Variants in SMYD3 observed in about 807,000 individuals in gnomAD.
SMYD3 encodes histone-lysine N-methyltransferase SMYD3.
Under a neutral mutation model 57.7 loss-of-function variants are expected in SMYD3, and 36 were observed. The ratio of observed to expected loss-of-function variants is 0.62; its 90% CI spans 0.48 to 0.82. The LOEUF (loss-of-function observed/expected upper bound fraction) is 0.82. SMYD3 is among the 40% of genes least tolerant of loss of function. The pLI is 0.00. For missense variants in SMYD3, 515 were observed against 538.8 expected, an observed-to-expected ratio of 0.96 and a Z score of 0.44; for synonymous variants, 211 against 195.0, an observed-to-expected ratio of 1.08 and a Z score of -0.68.
intron 5 of SMYD3, among the ~76,000 whole-genome samples, chr1:246,087,548 A>T (rs557304999): frequency 6.6e-6 from 1 of 152,350 alleles, no homozygotes; most frequent in Non-Finnish European, 1.5e-5. Flanking sequence ...AAAAAGCTAC[A>T]AGGAAAAACA....
At chr1:246,466,138 C>T (rs1024837604) in intron 1 of SMYD3, among the ~76,000 whole-genome samples, 10 of 152,304 alleles carry the variant, frequency 6.6e-5, no homozygotes, top group Admixed American at 2.6e-4. Flanking sequence ...GGTGATTCCT[C>T]AAAGACCTAA....
At chr1:246,453,251 G>A (rs576222133) in intron 1 of SMYD3, among the ~76,000 whole-genome samples, 15 of 152,258 alleles carry the variant, frequency 9.9e-5, no homozygotes, top group African/African-American at 1.4e-4. Flanking sequence ...TTCCAGAGCC[G>A]GTGCTTCTCA....
intron 1 of SMYD3, among the ~76,000 whole-genome samples, chr1:246,421,386 C>T (rs1183457122): frequency 6.6e-6 from 1 of 151,658 alleles, no homozygotes; most frequent in African/African-American, 2.4e-5. Flanking sequence ...GATCTCAAGA[C>T]CCCCACTGTA....
At chr1:245,797,330 T>C (rs887134253) in intron 10 of SMYD3, among the ~76,000 whole-genome samples, 27 of 152,236 alleles carry the variant, frequency 1.8e-4, no homozygotes, top group African/African-American at 6.5e-4. Context: ...ATATACACCA[T>C]GGAATACTAT....
At chr1:246,343,318 G>A (rs10754510) in intron 2 of SMYD3, among the ~76,000 whole-genome samples, 98,787 of 152,090 alleles carry the variant, frequency 0.65, 32,804 homozygotes, top group Middle Eastern at 0.76. Flanking sequence ...AATACGGTAG[G>A]TGAGCACATG....
At chr1:246,150,974 G>A (rs1371712403) in intron 5 of SMYD3, among the ~76,000 whole-genome samples, 5 of 152,172 alleles carry the variant, frequency 3.3e-5, no homozygotes, top group Admixed American at 6.5e-5. Context: ...TTGGCTGGGC[G>A]CAGTGGCTCA....
intron 1 of SMYD3, among the ~76,000 whole-genome samples, chr1:246,495,823 G>A (rs974106611): frequency 6.6e-5 from 10 of 151,732 alleles, no homozygotes; most frequent in East Asian, 2.0e-4. Flanking sequence ...GTGGTGGCAC[G>A]CATCTGTGGT....
intron 5 of SMYD3, among the ~76,000 whole-genome samples, chr1:246,133,775 G>A (rs554630544): frequency 6.6e-6 from 1 of 152,184 alleles, no homozygotes; most frequent in East Asian, 1.9e-4. Flanking sequence ...CACGCTCAAT[G>A]AACTCAACTA....
intron 1 of SMYD3, among the ~76,000 whole-genome samples, chr1:246,456,512 C>A (rs1479775106): frequency 6.6e-6 from 1 of 152,208 alleles, no homozygotes; most frequent in African/African-American, 2.4e-5. Flanking sequence ...TACTCATCCA[C>A]CAACACCAAG....
At chr1:246,451,034 A>G (rs2067625777) in intron 1 of SMYD3, among the ~76,000 whole-genome samples, 2 of 152,214 alleles carry the variant, frequency 1.3e-5, no homozygotes, top group Admixed American at 1.3e-4. Context: ...ACAAACTAAC[A>G]TACTTCAACC....
intron 5 of SMYD3, among the ~76,000 whole-genome samples, chr1:246,006,303 G>T (rs907800527): frequency 2.0e-5 from 3 of 151,966 alleles, no homozygotes; most frequent in Admixed American, 1.3e-4. Context: ...GGATGTTGGA[G>T]GGGCTGGGGT....
intron 5 of SMYD3, among the ~76,000 whole-genome samples, chr1:246,025,632 T>C (rs1175871756): frequency 4.6e-5 from 7 of 152,172 alleles, no homozygotes; most frequent in Admixed American, 4.6e-4. Context: ...TTTCCAGGAC[T>C]TGGTGTCTTT....
intron 1 of SMYD3, among the ~76,000 whole-genome samples, chr1:246,370,593 G>C (rs1353870437): frequency 6.6e-6 from 1 of 152,162 alleles, no homozygotes; most frequent in Non-Finnish European, 1.5e-5. Flanking sequence ...AATCTATATG[G>C]AGCGCCTGCT....
rs76900702 is a variant in SMYD3 at position 246,208,978 on chromosome 1, G to A, written c.531+118223C>T. Among the ~76,000 whole-genome samples, 424 of 152,112 alleles carry A rather than the reference G, an allele frequency of 2.8e-3. 2 individuals are homozygous for A. The highest frequency in any genetic ancestry group is 9.3e-3 in the African/African-American group (387 of 41,446). ...TTAGATTCAGAAAATATATTATTTC[G>A]CTGTTGAGTATAGTCTGAAATGAGG... On this transcript the variant is annotated intron_variant, in intron 5 of 11. Transcript: ENST00000490107.
chr1:246,116,525 G>C (rs2061344610), intron 5 of SMYD3, among the ~76,000 whole-genome samples: 1 of 152,166 alleles, frequency 6.6e-6, no homozygotes, highest in South Asian at 2.1e-4. Context: ...AGTGAAAAGA[G>C]GCACTAGTTT....
At chr1:245,906,676 A>C (rs1419163251) in intron 8 of SMYD3, among the ~76,000 whole-genome samples, 2 of 152,212 alleles carry the variant, frequency 1.3e-5, no homozygotes, top group African/African-American at 2.4e-5. Context: ...AGCTTATCGA[A>C]GAGGTATCTG....
chr1:246,055,438 TAAAAG>T (rs2060135725), intron 5 of SMYD3, among the ~76,000 whole-genome samples: 1 of 151,944 alleles, frequency 6.6e-6, no homozygotes, highest in Admixed American at 6.6e-5. Context: ...TCTTTAAAAA[TAAAAG>T]AAGACAAGAA....
intron 8 of SMYD3, among the ~76,000 whole-genome samples, chr1:245,901,576 G>A (rs1415541405): frequency 6.6e-6 from 1 of 152,146 alleles, no homozygotes; most frequent in African/African-American, 2.4e-5. Context: ...AAAGCCTTAT[G>A]GAGCAAATGT....
At chr1:245,802,454 T>C (rs1167873305) in intron 10 of SMYD3, among the ~76,000 whole-genome samples, 2 of 152,250 alleles carry the variant, frequency 1.3e-5, no homozygotes, top group Non-Finnish European at 2.9e-5. Context: ...TCACAACTAA[T>C]TTCATTTTAT....
Sources: allele counts gnomAD v4.1 joint callset (sites outside exome capture counted in the v4.1 genomes callset), GRCh38; gene constraint gnomAD v4.1.1; transcripts MANE v1.5; gene names NCBI Gene and HGNC (gene_info 2026-07-23, HGNC 2026-07-21).